The following SLC18A2 variants were observed in gnomAD, a reference collection of about 807,000 sequenced individuals.
The protein encoded by SLC18A2 is solute carrier family 18 member A2, also known as synaptic vesicular amine transporter.
A neutral mutation model predicts 59.2 loss-of-function variants in SLC18A2; 33 were observed. The observed-to-expected ratio is 0.56, with a 90% confidence interval of 0.42 to 0.75. The LOEUF is 0.75. SLC18A2 is among the 30% of genes least tolerant of loss of function. SLC18A2 has a pLI of 0.00. For missense variants in SLC18A2, 569 were observed against 668.6 expected, an observed-to-expected ratio of 0.85 and a Z score of 1.64; for synonymous variants, 228 against 253.5, an observed-to-expected ratio of 0.90 and a Z score of 0.95.
intron 14 of SLC18A2, 28 bp downstream of exon 14, chr10:117,270,218 C>A: frequency 1.2e-6 from 2 of 1,613,932 alleles, no homozygotes; most frequent in Non-Finnish European, 8.5e-7. Flanking sequence ...TCATAAGAAC[C>A]TTTTACCTCA....
chr10:117,272,411 G>A (rs75217089), intron 15 of SLC18A2, among the ~76,000 whole-genome samples: 3,175 of 152,266 alleles, frequency 0.021, 99 homozygotes, highest in African/African-American at 0.07. Flanking sequence ...GCAGCCTGAT[G>A]GCTTATCTGT....
At chr10:117,268,923 G>T (rs1207588050) in intron 13 of SLC18A2, among the ~76,000 whole-genome samples, 1 of 121,714 alleles carries the variant, frequency 8.2e-6, no homozygotes, top group African/African-American at 2.9e-5. Flanking sequence ...TGAACTAAAA[G>T]AAGCTAAAAC....
chr10:117,270,400 T>C lies in SLC18A2; in HGVS notation c.1377T>C (p.Ile459=). The part of the protein sequence containing the change: ...FPWLMTIIGI[I]DILFAPLCFF... ...GGCTCATGACAATTATTGGGATAAT[T>C]GATATTCTTTTTGCCCCTCTCTGCT... The change falls in exon 15 of 16, where the codon ATT becomes ATC. Residue 459 remains isoleucine (I), a synonymous_variant. Coordinates refer to ENST00000644641, the MANE Select transcript of SLC18A2 (RefSeq NM_003054.6). The C allele has an allele frequency of 6.2e-7, 1 of 1,614,132 alleles. No homozygotes were observed. Among genetic ancestry groups the C allele is most frequent in the East Asian group, 2.2e-5 (1 of 44,866 alleles).
chr10:117,257,593 AGTT>A (rs1156694141), intron 9 of SLC18A2, among the ~76,000 whole-genome samples: 1 of 152,180 alleles, frequency 6.6e-6, no homozygotes, highest in Non-Finnish European at 1.5e-5. Context: ...CTGGGATTCT[AGTT>A]GTTTAAAATG....
intron 9 of SLC18A2, among the ~76,000 whole-genome samples, chr10:117,256,550 G>A (rs1360946771): frequency 6.6e-6 from 1 of 152,254 alleles, no homozygotes; most frequent in African/African-American, 2.4e-5. Flanking sequence ...GGCACCAGTA[G>A]TTAAGTTCAG....
At chr10:117,271,330 C>T (rs996576969) in intron 15 of SLC18A2, among the ~76,000 whole-genome samples, 7 of 152,206 alleles carry the variant, frequency 4.6e-5, no homozygotes, top group Non-Finnish European at 1.0e-4. Context: ...GGAAGTACAT[C>T]AGAAGGTCTT....
At chr10:117,268,673 C>G (rs984954245) in intron 13 of SLC18A2, 1 of 152,584 alleles carries the variant, frequency 6.6e-6, no homozygotes, top group African/African-American at 2.4e-5. Context: ...CATGCCTGAC[C>G]CACCTCCTGC....
At chr10:117,262,515 G>A (rs1844304320) in intron 10 of SLC18A2, among the ~76,000 whole-genome samples, 1 of 152,110 alleles carries the variant, frequency 6.6e-6, no homozygotes, top group African/African-American at 2.4e-5. Flanking sequence ...TGACACTGGA[G>A]AGGCTGTTTC....
intron 3 of SLC18A2, among the ~76,000 whole-genome samples, chr10:117,248,983 C>T (rs1443889355): frequency 6.6e-6 from 1 of 152,150 alleles, no homozygotes; most frequent in East Asian, 1.9e-4. Context: ...GTTCTTTTTG[C>T]TTGCAAATCT....
chr10:117,245,753 G>T (rs1247934790), intron 3 of SLC18A2, among the ~76,000 whole-genome samples: 1 of 151,968 alleles, frequency 6.6e-6, no homozygotes, highest in African/African-American at 2.4e-5. Context: ...GGTGGCTGGG[G>T]CTCAAGGAGG....
intron 3 of SLC18A2, among the ~76,000 whole-genome samples, chr10:117,250,291 G>T (rs1304278424): frequency 1.3e-5 from 2 of 152,180 alleles, no homozygotes; most frequent in African/African-American, 2.4e-5. Flanking sequence ...CCGGTACTGA[G>T]GAGGCGGCAA....
chr10:117,259,650 G>C (rs1447743593), intron 10 of SLC18A2, among the ~76,000 whole-genome samples: 1 of 152,154 alleles, frequency 6.6e-6, no homozygotes, highest in Non-Finnish European at 1.5e-5. Flanking sequence ...ATTTCCCTTG[G>C]GAGTTTTCGG....
Position 117,244,318 on chromosome 10 carries a change from G to A in SLC18A2, c.464+5G>A. 6.2e-7 allele frequency: 1 copy of A among 1,609,870 alleles called. No homozygotes were observed. Among genetic ancestry groups the A allele is most frequent in the Non-Finnish European group, 8.5e-7 (1 of 1,177,362 alleles). ...CATAGGACTACTGACCAACAGGTAG[G>A]GCAGACTACTTTAGTCAAAGAGTTT... On this transcript the variant is annotated splice_donor_5th_base_variant and intron_variant, in intron 3 of 15. Coordinates refer to ENST00000644641, the MANE Select transcript of SLC18A2 (RefSeq NM_003054.6).
chr10:117,275,704 A>G (rs933088008), intron 15 of SLC18A2, among the ~76,000 whole-genome samples: 2 of 152,226 alleles, frequency 1.3e-5, no homozygotes, highest in Non-Finnish European at 2.9e-5. Flanking sequence ...AATGCTTAGC[A>G]TGGTCTTGGC....
intron 6 of SLC18A2, among the ~76,000 whole-genome samples, chr10:117,254,729 C>T (rs1241650853): frequency 1.3e-5 from 2 of 152,108 alleles, no homozygotes; most frequent in Non-Finnish European, 2.9e-5. Context: ...TCCCTGGGCC[C>T]AGATGGAAAA....
chr10:117,272,727 G>A (rs1729452619), intron 15 of SLC18A2, among the ~76,000 whole-genome samples: 1 of 152,148 alleles, frequency 6.6e-6, no homozygotes, highest in Non-Finnish European at 1.5e-5. Context: ...TGTGCATCTC[G>A]CTGCCCATCA....
rs565646646 is a variant in SLC18A2 at position 117,241,653 on chromosome 10, G to T, written c.-15-26G>T. 7 of 1,537,942 alleles carry T rather than the reference G, an allele frequency of 4.6e-6. No individual in the cohort carries two copies. The East Asian group carries it at 7.6e-5, about 17-fold the overall frequency. ...AATGGGGGGTCCACGGCCGCCTTGG[G>T]TCCTCACCGCGCACCGCGCCCGCAG... is the stretch of plus-strand genomic sequence containing the variant. On this transcript the variant is annotated intron_variant, in intron 1 of 15. Transcript: ENST00000644641.
At chr10:117,267,141 T>G in intron 12 of SLC18A2, 106 bp downstream of exon 12, 1 of 810,366 alleles carries the variant, frequency 1.2e-6, no homozygotes. Context: ...TGTTGATGTT[T>G]TATTACAGCT....
chr10:117,252,649 A>G (rs924608197), intron 3 of SLC18A2, among the ~76,000 whole-genome samples: 3 of 152,204 alleles, frequency 2.0e-5, no homozygotes, highest in African/African-American at 7.2e-5. Flanking sequence ...GGCACCTTCT[A>G]TGCTCTAGGC....
Sources: gnomAD v4.1 joint callset for allele counts (sites outside exome capture counted in the v4.1 genomes callset) on GRCh38, gnomAD v4.1.1 for gene constraint, MANE v1.5 for transcripts, NCBI Gene and HGNC (gene_info 2026-07-23, HGNC 2026-07-21) for gene names.